The following SRSF5 variants were observed in gnomAD, a reference collection of about 807,000 sequenced individuals.
SRSF5 encodes serine/arginine-rich splicing factor 5.
A neutral mutation model predicts 34.0 loss-of-function variants in SRSF5; 5 were observed. That is an observed-to-expected ratio of 0.15 (90% CI 0.08 to 0.31). The LOEUF (loss-of-function observed/expected upper bound fraction) is 0.31, where lower values mean the gene tolerates loss of function less well. SRSF5 is among the 10% of genes least tolerant of loss of function. SRSF5 has a pLI of 1.00. For missense variants in SRSF5, 223 were observed against 351.4 expected (o/e 0.63, Z 2.92); for synonymous variants, 164 against 117.7 (o/e 1.39, Z -2.55).
chr14:69,769,350 TAATG>T, intron 5 of SRSF5, 99 bp downstream of exon 5: 1 of 1,513,724 alleles, frequency 6.6e-7, no homozygotes, highest in Admixed American at 2.2e-5. Context: ...AGTTTTAAAT[TAATG>T]GATTTAATGG....
intron 5 of SRSF5, 50 bp from the exon 6 acceptor site, chr14:69,770,417 T>C (rs746892302): frequency 1.3e-6 from 2 of 1,597,852 alleles, no homozygotes; most frequent in South Asian, 2.3e-5. Flanking sequence ...TGTGATTGTT[T>C]GTGTGTCCCC....
intron 5 of SRSF5, chr14:69,770,243 C>T (rs968271423): frequency 3.0e-6 from 4 of 1,318,188 alleles, no homozygotes; most frequent in Non-Finnish European, 3.9e-6. Context: ...ATGTTAAAAT[C>T]TGAATTTCTT....
chr14:69,770,047 A>AG, intron 5 of SRSF5: 1 of 1,018,822 alleles, frequency 9.8e-7, no homozygotes, highest in Non-Finnish European at 1.2e-6. Context: ...ATAAAGGTAA[A>AG]GTAAACTTTT....
chr14:69,767,621 A>G (rs964774993), intron 1 of SRSF5: 10 of 437,634 alleles, frequency 2.3e-5, no homozygotes, highest in Non-Finnish European at 4.1e-5. Flanking sequence ...TGCTGGGAGG[A>G]GAAGGGAAGA....
In SRSF5 at chr14:69,768,014, TTGGCAATCTCGTTCATA is replaced by T; in HGVS notation, c.-19-123_-19-107del. On this transcript the variant is annotated intron_variant, in intron 1 of 7. Coordinates refer to ENST00000557154, the MANE Select transcript of SRSF5 (RefSeq NM_001320214.2). ...TAACCTGGCCTCATTAGAGGCTCTGTTGGCAATCTCGTTCATAACATCACTGTGTAAACATTTTATGC... is the reference window on the plus strand; with the variant it reads ...TAACCTGGCCTCATTAGAGGCTCTGTACATCACTGTGTAAACATTTTATGC... 3.6e-6 allele frequency: 4 copies of T among 1,112,444 alleles called. No homozygotes were observed. In the South Asian group the frequency reaches 6.0e-5, roughly 17 times the overall value. 68.9% of individuals were successfully genotyped at this position (1,112,444 alleles called of 1,614,324 possible).
rs1566626913 is a variant in SRSF5 at position 69,769,462 on chromosome 14, G to GT, written c.366+217dup. The GT allele has an allele frequency of 7.8e-6, 12 of 1,534,018 alleles. No homozygotes were observed. In the Admixed American group the frequency reaches 2.2e-4, roughly 28 times the overall value. ...TAAATGTTTTGAGGATATTTTTCTT[G>GT]TTTTTTAAAATCAATTTTTAACCAA... On this transcript the variant is annotated intron_variant, in intron 5 of 7. Coordinates refer to ENST00000557154, the MANE Select transcript of SRSF5 (RefSeq NM_001320214.2).
intron 5 of SRSF5, chr14:69,770,182 TTTG>T (rs1013094595): frequency 9.0e-6 from 10 of 1,109,662 alleles, no homozygotes; most frequent in African/African-American, 4.9e-5. Flanking sequence ...TGTTTTTTTG[TTTG>T]TTTTTTTTTC....
Position 69,771,861 on chromosome 14 carries a change from T to A in SRSF5, c.*400T>A, listed in dbSNP as rs139911202. On this transcript the variant is annotated 3_prime_UTR_variant, in exon 8 of 8. Coordinates refer to ENST00000557154, the MANE Select transcript of SRSF5 (RefSeq NM_001320214.2). ...TAAACTAATTAATAGCTTTGGACAC[T>A]TAAAAGAGCTCTAAATTTGCTTGTA... The A allele has an allele frequency of 1.0e-4, 18 of 174,704 alleles. No homozygotes were observed. In the East Asian group the frequency reaches 1.5e-3, roughly 15 times the overall value. The allele number at this position is 174,704 out of a possible 1,614,324, so 10.8% of individuals were successfully genotyped here.
intron 2 of SRSF5, 152 bp from the exon 3 acceptor site, chr14:69,768,452 A>G (rs2139685535): frequency 2.5e-6 from 3 of 1,215,598 alleles, no homozygotes; most frequent in East Asian, 2.3e-5. Flanking sequence ...GCTCACTGGA[A>G]CCCCACTCCC....
At chr14:69,770,393 T>C (rs909168537) in intron 5 of SRSF5, 74 bp from the exon 6 acceptor site, 33 of 1,560,682 alleles carry the variant, frequency 2.1e-5, no homozygotes, top group Non-Finnish European at 2.8e-5. Context: ...AGTAGTCTTG[T>C]TTTTTTTATA....
chr14:69,767,993 C>G (rs1594747741), intron 1 of SRSF5, 145 bp from the exon 2 acceptor site: 2 of 858,110 alleles, frequency 2.3e-6, no homozygotes, highest in East Asian at 5.5e-5. Context: ...TGCAGGTAAC[C>G]TGGCCTCATT....
chr14:69,769,187 C>T lies in SRSF5; in HGVS notation c.302C>T (p.Ala101Val), dbSNP rs141618226. 3.7e-6 allele frequency: 6 copies of T among 1,614,180 alleles called. No homozygotes were observed. The highest frequency in any genetic ancestry group is 4.5e-5 in the East Asian group (2 of 44,882). Residue 101 changes from alanine to valine, a missense_variant, in exon 5 of 8, where the codon GCT becomes GTT. Physicochemically the swap from Ala to Val is moderately conservative, Grantham distance 64. Around this residue, in one of 4 missense-constraint regions of SRSF5, gnomAD observed 44 missense variants for 44.3 expected, o/e 0.99. Coordinates refer to ENST00000557154, the MANE Select transcript of SRSF5 (RefSeq NM_001320214.2). ...SRRPRNDRRN[A>V]PPVRTENRLI... The stretch of plus-strand genomic sequence containing the variant: ...ATACGAATTTTCTTCCTCAGAAATG[C>T]TCCACCTGTAAGAACAGAAAATCGT...
intron 7 of SRSF5, 41 bp downstream of exon 7, chr14:69,771,146 G>A: frequency 6.2e-7 from 1 of 1,613,278 alleles, no homozygotes; most frequent in East Asian, 2.2e-5. Flanking sequence ...TATTTAATGG[G>A]TTTGTTGTAG....
At chr14:69,771,166 T>C (rs765146542) in intron 7 of SRSF5, 28 bp from the exon 8 acceptor site, 1 of 1,613,900 alleles carries the variant, frequency 6.2e-7, no homozygotes, top group South Asian at 1.1e-5. Context: ...GAGTCTTATC[T>C]AGGCTGATTT....
At chr14:69,770,197 T>A in intron 5 of SRSF5, 1 of 1,139,608 alleles carries the variant, frequency 8.8e-7, no homozygotes. Context: ...TTTTTTTTCT[T>A]TTGTACTGAG....
At chr14:69,770,398 T>A in intron 5 of SRSF5, 69 bp from the exon 6 acceptor site, 1 of 1,576,334 alleles carries the variant, frequency 6.3e-7, no homozygotes, top group Non-Finnish European at 8.6e-7. Flanking sequence ...TCTTGTTTTT[T>A]TTATATCATG....
At chr14:69,769,153 C>T (rs375120058) in intron 4 of SRSF5, 29 bp from the exon 5 acceptor site, 3 of 1,612,940 alleles carry the variant, frequency 1.9e-6, no homozygotes, top group Non-Finnish European at 2.5e-6. Context: ...TGCATTTCTT[C>T]CATTGTGAAT....
chr14:69,771,515 A>T lies in SRSF5; in HGVS notation c.*54A>T. On this transcript the variant is annotated 3_prime_UTR_variant, in exon 8 of 8. Transcript: ENST00000557154. Reference sequence around the variant, plus strand: ...TTTTTAAAAAACAAAAACCACAAAAATTCCCAAACCATACTTGCTAAAAAT... The same window carrying T: ...TTTTTAAAAAACAAAAACCACAAAATTTCCCAAACCATACTTGCTAAAAAT... 1.3e-6 allele frequency: 2 copies of T among 1,521,550 alleles called. No homozygotes were observed. Among genetic ancestry groups the T allele is most frequent in the Non-Finnish European group, 8.8e-7 (1 of 1,130,012 alleles). The allele number at this position is 1,521,550 out of a possible 1,614,324, so 94.3% of individuals were successfully genotyped here. A position where few individuals can be genotyped will look rare whatever the true frequency, so the allele number is the denominator to read the frequency against.
intron 2 of SRSF5, 68 bp downstream of exon 2, chr14:69,768,350 T>C (rs914539838): frequency 1.9e-6 from 3 of 1,591,468 alleles, no homozygotes; most frequent in Non-Finnish European, 8.6e-7. Flanking sequence ...TTGTTTTCGA[T>C]CTTGAGTCCG....
Sources: allele counts gnomAD v4.1 joint callset, GRCh38; gene constraint gnomAD v4.1.1; regional missense constraint gnomAD v4.1.1; transcripts MANE v1.5; gene names NCBI Gene and HGNC (gene_info 2026-07-23, HGNC 2026-07-21).